The following AUTS2 variants were observed in gnomAD, a reference collection of about 807,000 sequenced individuals.
The protein encoded by AUTS2 is activator of transcription and developmental regulator AUTS2, also known as autism susceptibility gene 2 protein.
Under a neutral mutation model 112.4 loss-of-function variants are expected in AUTS2, and 17 were observed. That is an observed-to-expected ratio of 0.15 (90% CI 0.10 to 0.23). AUTS2 has a LOEUF of 0.23. AUTS2 is among the 10% of genes least tolerant of loss of function. The pLI, the probability that AUTS2 is intolerant of heterozygous loss-of-function variation, is 1.00. For synonymous variants in AUTS2, 751 were observed against 702.7 expected (o/e 1.07, Z -1.09); for missense variants, 1,510 against 1,701.6 (o/e 0.89, Z 1.98).
At chr7:69,692,938 C>T (rs544153153) in intron 1 of AUTS2, among the ~76,000 whole-genome samples, 8 of 152,308 alleles carry the variant, frequency 5.3e-5, no homozygotes, top group African/African-American at 1.9e-4. Context: ...AGACTTCCCT[C>T]AAAATTAATT....
At chr7:70,106,056 G>A (rs920909531) in intron 2 of AUTS2, among the ~76,000 whole-genome samples, 6 of 152,124 alleles carry the variant, frequency 3.9e-5, no homozygotes, top group African/African-American at 1.4e-4. Flanking sequence ...TTCTCTTTAC[G>A]TTTCCTTTAC....
At chr7:69,975,894 G>A (rs1339915244) in intron 2 of AUTS2, among the ~76,000 whole-genome samples, 1 of 151,898 alleles carries the variant, frequency 6.6e-6, no homozygotes, top group African/African-American at 2.4e-5. Flanking sequence ...CACCATGTTG[G>A]CCAGGCTGGT....
At chr7:70,029,706 A>C (rs1800691044) in intron 2 of AUTS2, among the ~76,000 whole-genome samples, 1 of 152,184 alleles carries the variant, frequency 6.6e-6, no homozygotes, top group African/African-American at 2.4e-5. Context: ...TTAGAAAAAA[A>C]CAACTAGTTG....
intron 4 of AUTS2, among the ~76,000 whole-genome samples, chr7:70,256,667 G>A (rs1228849031): frequency 2.0e-5 from 3 of 152,106 alleles, no homozygotes; most frequent in Admixed American, 1.3e-4. Context: ...GTGATCTTAG[G>A]GCTCGCATTT....
At chr7:70,433,824 A>T (rs1313399039) in intron 4 of AUTS2, among the ~76,000 whole-genome samples, 1 of 152,216 alleles carries the variant, frequency 6.6e-6, no homozygotes, top group African/African-American at 2.4e-5. Flanking sequence ...TGAAAAGAAT[A>T]AGTAGTCCCC....
At chr7:69,603,299 C>A (rs935033110) in intron 1 of AUTS2, among the ~76,000 whole-genome samples, 1 of 152,138 alleles carries the variant, frequency 6.6e-6, no homozygotes, top group Admixed American at 6.6e-5. Context: ...TGATTTTGTT[C>A]TGAGTAGCTG....
chr7:70,067,825 G>A lies in AUTS2; in HGVS notation c.523-50307G>A, dbSNP rs377390947. Among the ~76,000 whole-genome samples, 128 of 150,906 alleles carry A rather than the reference G, an allele frequency of 8.5e-4. 2 individuals are homozygous for A. The South Asian group carries it at 0.026, about 31-fold the overall frequency. On this transcript the variant is annotated intron_variant, in intron 2 of 18. Transcript: ENST00000342771. The stretch of plus-strand genomic sequence containing the variant: ...CCCGTGATCACACCACTGCTCCCCA[G>A]CCCAGGTGACAGAGTGAGCACCTGT...
At chr7:69,985,227 TAAAAAAAAAAAAA>T (rs71068005) in intron 2 of AUTS2, among the ~76,000 whole-genome samples, 2 of 104,716 alleles carry the variant, frequency 1.9e-5, no homozygotes, top group Non-Finnish European at 3.9e-5. Flanking sequence ...GAAGACTCTC[TAAAAAAAAAAAAA>T]AAAAAAAGAA....
At chr7:70,417,499 C>T (rs1291527745) in intron 4 of AUTS2, among the ~76,000 whole-genome samples, 2 of 152,114 alleles carry the variant, frequency 1.3e-5, no homozygotes, top group East Asian at 1.9e-4. Flanking sequence ...GCACACTTGT[C>T]GTCTTGCAGT....
In AUTS2 at chr7:70,253,018, T is replaced by C. The variant is rs184619070; in HGVS notation, c.660+118447T>C. On this transcript the variant is annotated intron_variant, in intron 4 of 18. Coordinates refer to ENST00000342771, the MANE Select transcript of AUTS2 (RefSeq NM_015570.4). ...AGATCTTGAAGTCTAGGTAACGTGA[T>C]GTTTCTTTTTCATTTTTTCTTTATG... Among the ~76,000 whole-genome samples, 6 of 152,282 alleles carry C rather than the reference T, an allele frequency of 3.9e-5. No homozygotes were observed. In the East Asian group the frequency reaches 5.8e-4, roughly 15 times the overall value.
intron 2 of AUTS2, among the ~76,000 whole-genome samples, chr7:70,036,563 A>G (rs1267756318): frequency 6.6e-6 from 1 of 152,192 alleles, no homozygotes; most frequent in Non-Finnish European, 1.5e-5. Context: ...CTGGGATTCT[A>G]GCTGCTTCTT....
chr7:70,533,495 A>G (rs965733817), intron 5 of AUTS2, among the ~76,000 whole-genome samples: 1 of 152,132 alleles, frequency 6.6e-6, no homozygotes, highest in Non-Finnish European at 1.5e-5. Context: ...CCCTGGCTCT[A>G]TGCTTTTCTC....
intron 1 of AUTS2, among the ~76,000 whole-genome samples, chr7:69,785,940 C>T (rs1789351396): frequency 6.6e-6 from 1 of 152,190 alleles, no homozygotes; most frequent in African/African-American, 2.4e-5. Flanking sequence ...AAACGATTCT[C>T]CTGCTTCAGC....
intron 1 of AUTS2, among the ~76,000 whole-genome samples, chr7:69,872,295 G>A (rs960190896): frequency 1.3e-5 from 2 of 152,188 alleles, no homozygotes. Context: ...TGAAACTCAG[G>A]CTTCAAAAGT....
At chr7:70,536,954 C>T (rs17141728) in intron 5 of AUTS2, among the ~76,000 whole-genome samples, 12,907 of 152,112 alleles carry the variant, frequency 0.085, 633 homozygotes, top group African/African-American at 0.12. Context: ...AATGTGTTAG[C>T]AACTGTAGAG....
chr7:70,587,606 C>A (rs1298895125), intron 5 of AUTS2, among the ~76,000 whole-genome samples: 1 of 152,166 alleles, frequency 6.6e-6, no homozygotes, highest in African/African-American at 2.4e-5. Context: ...ATAACCTTTA[C>A]TCAGCACATG....
intron 5 of AUTS2, among the ~76,000 whole-genome samples, chr7:70,575,560 C>G (rs951366963): frequency 1.3e-5 from 2 of 152,196 alleles, no homozygotes; most frequent in Non-Finnish European, 2.9e-5. Flanking sequence ...GATCAGGGCC[C>G]TTCTGCTGGC....
intron 3 of AUTS2, among the ~76,000 whole-genome samples, chr7:70,127,134 A>G (rs1806019065): frequency 6.6e-6 from 1 of 151,114 alleles, no homozygotes. Context: ...CCTTGTTCGC[A>G]CTTTCAAATC....
At chr7:69,997,079 T>C (rs1158448654) in intron 2 of AUTS2, among the ~76,000 whole-genome samples, 1 of 152,112 alleles carries the variant, frequency 6.6e-6, no homozygotes, top group African/African-American at 2.4e-5. Context: ...AGGGTTGAGA[T>C]TTAACGGTCT....
Sources: allele counts gnomAD v4.1 joint callset (sites outside exome capture counted in the v4.1 genomes callset), GRCh38; gene constraint gnomAD v4.1.1; transcripts MANE v1.5; gene names NCBI Gene and HGNC (gene_info 2026-07-23, HGNC 2026-07-21).